Variants in MAEL observed in about 807,000 individuals in gnomAD.
MAEL encodes protein maelstrom homolog.
MAEL carries 46 observed loss-of-function variants against 62.0 expected under a neutral mutation model. The observed-to-expected ratio is 0.74, with a 90% CI of 0.59 to 0.95. The LOEUF is 0.95. Ranked by LOEUF, MAEL falls within the 40% of genes least tolerant of loss-of-function variation. MAEL has a pLI of 0.00. For missense variants in MAEL, 497 were observed against 526.8 expected (o/e 0.94, Z 0.55); for synonymous variants, 172 against 175.5 (o/e 0.98, Z 0.16).
At chr1:167,015,486 T>A (rs1665352164) in intron 8 of MAEL, among the ~76,000 whole-genome samples, 1 of 152,226 alleles carries the variant, frequency 6.6e-6, no homozygotes, top group Non-Finnish European at 1.5e-5. Flanking sequence ...AGCTTTGTAT[T>A]GTACAAGTAG....
chr1:166,990,449 G>A (rs932186886), intron 2 of MAEL: 1 of 152,206 alleles, frequency 6.6e-6, no homozygotes, highest in Non-Finnish European at 1.5e-5. Context: ...GAGGTCAGGA[G>A]TTTGAGACCA....
intron 6 of MAEL, among the ~76,000 whole-genome samples, chr1:167,004,655 AC>A (rs1206214804): frequency 6.6e-6 from 1 of 152,142 alleles, no homozygotes; most frequent in Non-Finnish European, 1.5e-5. Flanking sequence ...TTTCTTCAAA[AC>A]TGTCTTTGTA....
intron 5 of MAEL, among the ~76,000 whole-genome samples, chr1:167,002,005 T>C (rs1664691923): frequency 6.6e-6 from 1 of 152,204 alleles, no homozygotes; most frequent in Non-Finnish European, 1.5e-5. Context: ...CATCTCAAAC[T>C]CCTGATCTCA....
intron 5 of MAEL, among the ~76,000 whole-genome samples, chr1:166,994,982 T>C (rs1487201084): frequency 1.3e-5 from 2 of 149,072 alleles, no homozygotes; most frequent in Non-Finnish European, 3.0e-5. Context: ...TAATTTTTTT[T>C]TTTTTTTTTT....
At chr1:166,984,566 TA>T (rs1663858554), upstream of MAEL, among the ~76,000 whole-genome samples, 1 of 152,022 alleles carries the variant, frequency 6.6e-6, no homozygotes, top group African/African-American at 2.4e-5. Flanking sequence ...TAAATAAATA[TA>T]AAATAACCCC....
At chr1:167,002,020 G>C (rs1225246390) in intron 5 of MAEL, among the ~76,000 whole-genome samples, 1 of 152,072 alleles carries the variant, frequency 6.6e-6, no homozygotes, top group East Asian at 1.9e-4. Context: ...ATCTCAAGTG[G>C]TCTGCCCACC....
At chr1:167,016,060 G>A (rs1384537676) in intron 8 of MAEL, 162 bp from the exon 9 acceptor site, 1 of 663,402 alleles carries the variant, frequency 1.5e-6, no homozygotes, top group Non-Finnish European at 2.7e-6. Context: ...ATCAGAGAAT[G>A]TAGCATTAAA....
At position 167,021,961 on chromosome 1, in the gene MAEL, A is replaced by C; in HGVS notation, c.*106A>C. 2.8e-6 allele frequency: 2 copies of C among 706,930 alleles called. No homozygotes were observed. The highest frequency in any genetic ancestry group is 4.5e-6 in the Non-Finnish European group (2 of 446,240). 43.8% of individuals were successfully genotyped at this position (706,930 alleles called of 1,614,324 possible). A position where few individuals can be genotyped will look rare whatever the true frequency, so the allele number is the denominator to read the frequency against. On this transcript the variant is annotated 3_prime_UTR_variant, in exon 12 of 12. Transcript: ENST00000367872. ...CAATGACAAATGTCACTACTATAAA[A>C]ACTACTTAATTTGTAAGGAAATTGT...
At chr1:166,976,380 C>A (rs1663580770) in intron 1 of MAEL, among the ~76,000 whole-genome samples, 1 of 152,224 alleles carries the variant, frequency 6.6e-6, no homozygotes, top group African/African-American at 2.4e-5. Flanking sequence ...ATGAGATAGA[C>A]TTCCTGCCCT....
chr1:167,014,159 T>C (rs576136708), intron 8 of MAEL, among the ~76,000 whole-genome samples: 1 of 152,216 alleles, frequency 6.6e-6, no homozygotes, highest in Non-Finnish European at 1.5e-5. Flanking sequence ...CTCTTCCTGC[T>C]TTTTTCCTTT....
At chr1:167,021,006 T>C in intron 10 of MAEL, 79 bp from the exon 11 acceptor site, 1 of 1,025,118 alleles carries the variant, frequency 9.8e-7, no homozygotes, top group Non-Finnish European at 1.5e-6. Flanking sequence ...TAAAGAGTAA[T>C]ATGAAATTGA....
upstream of MAEL, among the ~76,000 whole-genome samples, chr1:166,987,315 T>G (rs779485465): frequency 6.6e-6 from 1 of 152,202 alleles, no homozygotes; most frequent in Non-Finnish European, 1.5e-5. Flanking sequence ...CTTCTTTCAC[T>G]CAACAAAATT....
chr1:167,007,191 A>G (rs900099686), intron 8 of MAEL, among the ~76,000 whole-genome samples: 1 of 151,270 alleles, frequency 6.6e-6, no homozygotes, highest in Admixed American at 6.6e-5. Flanking sequence ...TTATATGAGC[A>G]TGGACTCATG....
At chr1:166,990,087 A>G (rs532647800) in intron 2 of MAEL, 12 of 332,838 alleles carry the variant, frequency 3.6e-5, no homozygotes, top group African/African-American at 2.6e-4. Flanking sequence ...CCTGTAGACA[A>G]TACACTTTGA....
chr1:167,001,936 A>G (rs1282362537), intron 5 of MAEL, among the ~76,000 whole-genome samples: 1 of 152,118 alleles, frequency 6.6e-6, no homozygotes, highest in Non-Finnish European at 1.5e-5. Flanking sequence ...TGCACGTCAC[A>G]CGCCCAGCTA....
upstream of MAEL, among the ~76,000 whole-genome samples, chr1:166,988,829 C>A (rs1015590905): frequency 6.6e-6 from 1 of 152,064 alleles, no homozygotes; most frequent in Non-Finnish European, 1.5e-5. Context: ...TTAAAAAATT[C>A]GAGTTTTGTT....
At chr1:166,983,632 A>T (rs1663826829) in intron 1 of MAEL, among the ~76,000 whole-genome samples, 1 of 152,202 alleles carries the variant, frequency 6.6e-6, no homozygotes, top group Non-Finnish European at 1.5e-5. Flanking sequence ...TGAATAGAAA[A>T]AAATCAATCT....
intron 5 of MAEL, among the ~76,000 whole-genome samples, chr1:166,995,345 A>G (rs757475641): frequency 7.2e-5 from 11 of 152,052 alleles, no homozygotes; most frequent in African/African-American, 1.4e-4. Context: ...GGTTCAAGCA[A>G]TTCTCCTGCC....
intron 5 of MAEL, among the ~76,000 whole-genome samples, chr1:167,002,719 T>C (rs1664730060): frequency 6.6e-6 from 1 of 152,190 alleles, no homozygotes; most frequent in Non-Finnish European, 1.5e-5. Flanking sequence ...CAAAGGATTA[T>C]TAGTAAAATT....
Sources: gnomAD v4.1 joint callset for allele counts (sites outside exome capture counted in the v4.1 genomes callset) on GRCh38, gnomAD v4.1.1 for gene constraint, MANE v1.5 for transcripts, NCBI Gene and HGNC (gene_info 2026-07-23, HGNC 2026-07-21) for gene names.